MED15: variants seen among roughly 807,000 people sequenced by gnomAD.
The protein encoded by MED15 is mediator complex subunit 15.
MED15 carries 41 observed loss-of-function variants against 118.7 expected under a neutral mutation model. The observed-to-expected ratio is 0.35, with a 90% CI of 0.27 to 0.45. The LOEUF (loss-of-function observed/expected upper bound fraction) is 0.45. Among genes scored for constraint, MED15 ranks in the 20% least tolerant of loss-of-function variants. The pLI is 1.00. For synonymous variants in MED15, 436 were observed against 413.9 expected (o/e 1.05, Z -0.65); for missense variants, 740 against 1,025.5 (o/e 0.72, Z 3.80).
chr22:20,541,498 C>G (rs2055309470), intron 2 of MED15, among the ~76,000 whole-genome samples: 1 of 152,074 alleles, frequency 6.6e-6, no homozygotes, highest in South Asian at 2.1e-4. Context: ...AATTCTCTTT[C>G]TTTTTGAGAC....
intron 8 of MED15, among the ~76,000 whole-genome samples, chr22:20,573,355 G>A (rs550312562): frequency 6.6e-6 from 1 of 152,320 alleles, no homozygotes; most frequent in African/African-American, 2.4e-5. Flanking sequence ...TAATTTACAA[G>A]TCACAAAGAA....
At chr22:20,515,917 C>G (rs367861369) in intron 1 of MED15, among the ~76,000 whole-genome samples, 4 of 151,898 alleles carry the variant, frequency 2.6e-5, no homozygotes, top group Non-Finnish European at 5.9e-5. Flanking sequence ...GTAGGAGAAT[C>G]GCTTGAACCT....
intron 7 of MED15, 45 bp from the exon 8 acceptor site, chr22:20,568,476 C>T (rs774065824): frequency 1.9e-6 from 3 of 1,600,048 alleles, no homozygotes; most frequent in Non-Finnish European, 2.6e-6. Flanking sequence ...GCTCTGCTCT[C>T]TGACCCAGGT....
intron 1 of MED15, chr22:20,518,933 A>G: frequency 2.3e-6 from 1 of 443,836 alleles, no homozygotes; most frequent in South Asian, 1.6e-5. Context: ...GCTCACTGCA[A>G]CCTCCACCTC....
At chr22:20,527,628 G>T (rs2054696905) in intron 1 of MED15, among the ~76,000 whole-genome samples, 1 of 151,972 alleles carries the variant, frequency 6.6e-6, no homozygotes, top group Non-Finnish European at 1.5e-5. Flanking sequence ...TTTTCGTAGA[G>T]ATGGGATCTT....
At chr22:20,556,124 CTT>C (rs1243319553) in intron 5 of MED15, among the ~76,000 whole-genome samples, 2 of 152,224 alleles carry the variant, frequency 1.3e-5, no homozygotes, top group African/African-American at 2.4e-5. Context: ...TTTCATGTAA[CTT>C]TTTATTTTTA....
intron 13 of MED15, chr22:20,584,074 G>A (rs1313442403): frequency 2.0e-6 from 1 of 490,312 alleles, no homozygotes; most frequent in South Asian, 2.3e-5. Context: ...GGGATGAGTG[G>A]GGCAGGGACT....
chr22:20,541,772 C>T (rs2055324793), intron 2 of MED15, among the ~76,000 whole-genome samples: 1 of 152,126 alleles, frequency 6.6e-6, no homozygotes, highest in African/African-American at 2.4e-5. Context: ...GCCTCAGCCT[C>T]CCAAGTAGCT....
intron 1 of MED15, among the ~76,000 whole-genome samples, chr22:20,529,915 C>T (rs182613033): frequency 1.3e-5 from 2 of 151,686 alleles, no homozygotes; most frequent in East Asian, 1.9e-4. Context: ...TTAGTAGAGA[C>T]GTTTCACCAT....
intron 2 of MED15, among the ~76,000 whole-genome samples, chr22:20,549,157 G>T (rs1044927587): frequency 1.3e-5 from 2 of 152,182 alleles, no homozygotes; most frequent in Non-Finnish European, 2.9e-5. Context: ...TGTGTTAGTA[G>T]TACCTGCCTC....
At chr22:20,555,876 C>T (rs899257354) in intron 5 of MED15, among the ~76,000 whole-genome samples, 1 of 152,306 alleles carries the variant, frequency 6.6e-6, no homozygotes, top group South Asian at 2.1e-4. Context: ...CTCACAGCAC[C>T]GCGCCCGGCT....
At chr22:20,528,363 G>T (rs1008432534) in intron 1 of MED15, among the ~76,000 whole-genome samples, 18 of 152,202 alleles carry the variant, frequency 1.2e-4, no homozygotes. Context: ...CGGCAGATGA[G>T]GATGGTTTCA....
chr22:20,550,275 C>T (rs1241669871), intron 2 of MED15, among the ~76,000 whole-genome samples: 1 of 152,142 alleles, frequency 6.6e-6, no homozygotes, highest in East Asian at 1.9e-4. Context: ...GGAAGCTGGG[C>T]GTGTTGACAG....
At chr22:20,529,053 G>T (rs2054759223) in intron 1 of MED15, among the ~76,000 whole-genome samples, 1 of 152,180 alleles carries the variant, frequency 6.6e-6, no homozygotes, top group Non-Finnish European at 1.5e-5. Flanking sequence ...TGTTACTTAG[G>T]ACTCTGGTTT....
At chr22:20,553,899 T>G (rs1473427638) in intron 4 of MED15, among the ~76,000 whole-genome samples, 1 of 152,218 alleles carries the variant, frequency 6.6e-6, no homozygotes, top group East Asian at 1.9e-4. Flanking sequence ...TCCATATTTT[T>G]AAATTTCAGC....
At chr22:20,541,584 G>A (rs1012231718) in intron 2 of MED15, among the ~76,000 whole-genome samples, 13 of 150,352 alleles carry the variant, frequency 8.6e-5, no homozygotes, top group Admixed American at 1.3e-4. Flanking sequence ...CCCAAATTCC[G>A]GTGATTTTCC....
intron 9 of MED15, among the ~76,000 whole-genome samples, chr22:20,581,302 G>T (rs1029311786): frequency 2.6e-5 from 4 of 152,216 alleles, no homozygotes; most frequent in Admixed American, 2.0e-4. Context: ...CTGGTGGGGT[G>T]GTGAGGAGGG....
intron 13 of MED15, 166 bp downstream of exon 13, chr22:20,583,559 C>G: frequency 1.3e-6 from 1 of 776,970 alleles, no homozygotes; most frequent in Non-Finnish European, 2.0e-6. Context: ...GGCTTCAAGC[C>G]CAGGCTTCAT....
At chr22:20,572,137 G>A (rs1207221350) in intron 8 of MED15, among the ~76,000 whole-genome samples, 1 of 152,192 alleles carries the variant, frequency 6.6e-6, no homozygotes, top group Non-Finnish European at 1.5e-5. Flanking sequence ...GTCTTAGATT[G>A]TTCCTGGAGC....
Sources: allele counts gnomAD v4.1 joint callset (sites outside exome capture counted in the v4.1 genomes callset), GRCh38; gene constraint gnomAD v4.1.1; transcripts MANE v1.5; gene names NCBI Gene and HGNC (gene_info 2026-07-23, HGNC 2026-07-21).